Variants in ZFAT observed in about 807,000 individuals in gnomAD.
ZFAT encodes zinc finger and AT-hook domain containing.
A neutral mutation model predicts 117.7 loss-of-function variants in ZFAT; 64 were observed. The observed-to-expected ratio is 0.54, with a 90% CI of 0.44 to 0.67. The LOEUF is 0.67. Among genes scored for constraint, ZFAT ranks in the 30% least tolerant of loss-of-function variants. The pLI is 0.00. For synonymous variants in ZFAT, 679 were observed against 615.0 expected (o/e 1.10, Z -1.54); for missense variants, 1,433 against 1,584.5 (o/e 0.90, Z 1.62).
intron 15 of ZFAT, among the ~76,000 whole-genome samples, chr8:134,497,152 T>C (rs974789902): frequency 6.6e-6 from 1 of 151,820 alleles, no homozygotes; most frequent in African/African-American, 2.4e-5. Flanking sequence ...GGCACCTTGC[T>C]GTCAGGCCTG....
the ZFAT span, among the ~76,000 whole-genome samples, chr8:134,724,286 G>C: frequency 6.6e-6 from 1 of 152,210 alleles, no homozygotes; most frequent in Admixed American, 6.5e-5. Flanking sequence ...TCCAAGCCCA[G>C]TCAAGGCATA....
intron 5 of ZFAT, among the ~76,000 whole-genome samples, chr8:134,604,881 A>C (rs1029801767): frequency 6.6e-6 from 1 of 152,252 alleles, no homozygotes; most frequent in Non-Finnish European, 1.5e-5. Context: ...AGATATCCAG[A>C]AGGTGATACA....
chr8:134,510,372 G>C (rs773750523), intron 14 of ZFAT, among the ~76,000 whole-genome samples: 1 of 152,228 alleles, frequency 6.6e-6, no homozygotes, highest in Middle Eastern at 3.4e-3. Context: ...AGCACACCCT[G>C]ACCCTGATCA....
chr8:134,692,598 G>A (rs1453685992), intron 1 of ZFAT, among the ~76,000 whole-genome samples: 2 of 152,208 alleles, frequency 1.3e-5, no homozygotes, highest in African/African-American at 4.8e-5. Flanking sequence ...AAGGATGAAA[G>A]TAAATACAAT....
intron 1 of ZFAT, chr8:134,696,682 C>T: frequency 1.1e-6 from 1 of 902,362 alleles, no homozygotes; most frequent in Non-Finnish European, 1.3e-6. Context: ...CTCTGATTGG[C>T]CCAGAATGAG....
the ZFAT span, among the ~76,000 whole-genome samples, chr8:134,720,007 C>G: frequency 2.0e-5 from 3 of 152,342 alleles, no homozygotes; most frequent in Admixed American, 2.0e-4. Flanking sequence ...ACAAACAGCA[C>G]AAGCACAAAC....
At chr8:134,531,010 A>T (rs1330372218) in intron 12 of ZFAT, among the ~76,000 whole-genome samples, 1 of 152,176 alleles carries the variant, frequency 6.6e-6, no homozygotes, top group East Asian at 1.9e-4. Flanking sequence ...ACAACTGTGA[A>T]TATATATCTG....
At chr8:134,769,734 ACG>A in the ZFAT span, among the ~76,000 whole-genome samples, 9 of 151,968 alleles carry the variant, frequency 5.9e-5, no homozygotes, top group Non-Finnish European at 7.4e-5. Flanking sequence ...TCCATGAGCC[ACG>A]CCTCCCCCCA....
intron 3 of ZFAT, among the ~76,000 whole-genome samples, chr8:134,612,647 T>C (rs1323167899): frequency 2.0e-5 from 3 of 152,244 alleles, no homozygotes; most frequent in Non-Finnish European, 2.9e-5. Context: ...AACAGTTTTA[T>C]AGAAGTTCTT....
chr8:134,482,965 C>T (rs565108714), intron 15 of ZFAT, among the ~76,000 whole-genome samples: 15 of 152,274 alleles, frequency 9.9e-5, no homozygotes, highest in Non-Finnish European at 1.9e-4. Context: ...GCCCTGCAGA[C>T]GCTGCCCACA....
chr8:134,576,712 T>C (rs890873801), intron 10 of ZFAT, among the ~76,000 whole-genome samples: 1 of 152,174 alleles, frequency 6.6e-6, no homozygotes, highest in African/African-American at 2.4e-5. Flanking sequence ...TCTCCTAGAA[T>C]ATTTTAATTT....
Position 134,565,363 on chromosome 8 carries a change from C to T in ZFAT, c.2946G>A (p.Leu982=), listed in dbSNP as rs1439023592. The change falls in exon 11 of 16, where the codon CTG becomes CTA. Residue 982 remains leucine, a synonymous_variant. Coordinates refer to ENST00000377838, the MANE Select transcript of ZFAT (RefSeq NM_020863.4). ...DYTAAQKPQL[L]RHMEQHVSFK... is the part of the protein sequence containing the mutation. ...AGGAGACATGCTGTTCCATGTGCCGCAGCAGCTGTGGCTTCTGGGCCGCTG... is the reference window on the plus strand; with the variant it reads ...AGGAGACATGCTGTTCCATGTGCCGTAGCAGCTGTGGCTTCTGGGCCGCTG... The T allele has an allele frequency of 1.2e-6, 2 of 1,613,950 alleles. No homozygotes were observed. The highest frequency in any genetic ancestry group is 3.3e-5 in the Admixed American group (2 of 60,006).
At chr8:134,731,300 T>C in the ZFAT span, among the ~76,000 whole-genome samples, 1 of 152,260 alleles carries the variant, frequency 6.6e-6, no homozygotes, top group Non-Finnish European at 1.5e-5. Context: ...GAGAACTTCA[T>C]AGCAGGTTAC....
chr8:134,682,729 A>T lies in ZFAT; in HGVS notation c.20-24992T>A, dbSNP rs570158444. 5.3e-5 allele frequency among the ~76,000 whole-genome samples: 8 copies of T among 152,260 alleles called. No individual in the cohort carries two copies. The South Asian group carries it at 1.7e-3, about 32-fold the overall frequency. ...ATGAAGTTCAGAAACATTTCCATAT[A>T]ACTGGGCAGGCTGGATGTTAGCTGG... On this transcript the variant is annotated intron_variant, in intron 1 of 15. Transcript: ENST00000377838.
intron 11 of ZFAT, among the ~76,000 whole-genome samples, chr8:134,548,422 G>A (rs537585819): frequency 9.2e-5 from 14 of 152,298 alleles, no homozygotes; most frequent in African/African-American, 2.6e-4. Flanking sequence ...GACACGCCAC[G>A]TCTGCAATGG....
chr8:134,501,879 A>G (rs754577465), intron 15 of ZFAT, among the ~76,000 whole-genome samples: 8 of 152,142 alleles, frequency 5.3e-5, no homozygotes, highest in Non-Finnish European at 1.2e-4. Context: ...ACTTCACTCA[A>G]TCCTTTTTGT....
chr8:134,537,950 G>T (rs1821959076), intron 11 of ZFAT, among the ~76,000 whole-genome samples: 1 of 152,176 alleles, frequency 6.6e-6, no homozygotes, highest in South Asian at 2.1e-4. Context: ...CAGCAAGAAG[G>T]AAGTCATATG....
intron 3 of ZFAT, among the ~76,000 whole-genome samples, chr8:134,631,176 T>C (rs1393796344): frequency 6.6e-6 from 1 of 152,254 alleles, no homozygotes; most frequent in African/African-American, 2.4e-5. Context: ...CTACTGCTAT[T>C]CCTGGAGGAA....
chr8:134,734,102 G>T, the ZFAT span, among the ~76,000 whole-genome samples: 1 of 152,230 alleles, frequency 6.6e-6, no homozygotes, highest in Middle Eastern at 3.2e-3. Flanking sequence ...CCATGACGCT[G>T]CTGTTAGTGT....
Sources: gnomAD v4.1 joint callset for allele counts (sites outside exome capture counted in the v4.1 genomes callset) on GRCh38, gnomAD v4.1.1 for gene constraint, MANE v1.5 for transcripts, NCBI Gene and HGNC (gene_info 2026-07-23, HGNC 2026-07-21) for gene names.